Variants in GAS7 observed in about 807,000 individuals in gnomAD.
GAS7 encodes growth arrest-specific protein 7.
GAS7 carries 28 observed loss-of-function variants against 71.1 expected under a neutral mutation model. The ratio of observed to expected loss-of-function variants is 0.39; its 90% CI spans 0.29 to 0.54. GAS7 has a LOEUF of 0.54. Among genes scored for constraint, GAS7 ranks in the 20% least tolerant of loss-of-function variants. The pLI, the probability that GAS7 is intolerant of heterozygous loss-of-function variation, is 0.62. For missense variants in GAS7, 436 were observed against 627.8 expected, an observed-to-expected ratio of 0.69 and a Z score of 3.27; for synonymous variants, 258 against 245.8, an observed-to-expected ratio of 1.05 and a Z score of -0.46.
intron 1 of GAS7, among the ~76,000 whole-genome samples, chr17:10,113,591 A>T (rs973705763): frequency 6.6e-6 from 1 of 152,224 alleles, no homozygotes; most frequent in Non-Finnish European, 1.5e-5. Flanking sequence ...CTGTGTTCAG[A>T]AAACCACAGA....
chr17:10,044,782 C>T (rs954152010), intron 1 of GAS7, among the ~76,000 whole-genome samples: 4 of 152,080 alleles, frequency 2.6e-5, no homozygotes, highest in African/African-American at 9.7e-5. Flanking sequence ...CGGCCAGGCG[C>T]GGTGGCTCAC....
chr17:9,945,223 C>A (rs2068747017), intron 6 of GAS7, among the ~76,000 whole-genome samples: 1 of 152,082 alleles, frequency 6.6e-6, no homozygotes, highest in Non-Finnish European at 1.5e-5. Context: ...AGGTACATCT[C>A]TCCCTCTCTG....
At chr17:9,933,529 G>T (rs567192329) in intron 9 of GAS7, among the ~76,000 whole-genome samples, 1 of 152,226 alleles carries the variant, frequency 6.6e-6, no homozygotes, top group African/African-American at 2.4e-5. Flanking sequence ...ACTTATAATT[G>T]AATAAAAATT....
At chr17:10,024,326 G>T (rs539000158) in intron 1 of GAS7, among the ~76,000 whole-genome samples, 1 of 152,128 alleles carries the variant, frequency 6.6e-6, no homozygotes, top group African/African-American at 2.4e-5. Flanking sequence ...AATAATTAAG[G>T]TCTCTCTCAA....
chr17:9,956,659 G>A lies in GAS7; in HGVS notation c.525+2543C>T, dbSNP rs1480561426. Among the ~76,000 whole-genome samples the A allele has an allele frequency of 3.3e-5, 5 of 152,146 alleles. 1 individual carries two copies. The highest frequency in any genetic ancestry group is 1.3e-4 in the Admixed American group (2 of 15,272). ...CCCGTTGCTGTCAGGGGGCCCATGTGTCTGTCCCCTGAAAACCCATAGCCT... is the reference window on the plus strand; with the variant it reads ...CCCGTTGCTGTCAGGGGGCCCATGTATCTGTCCCCTGAAAACCCATAGCCT... On this transcript the variant is annotated intron_variant, in intron 5 of 13. Transcript: ENST00000432992.
chr17:10,145,614 CCTGG>C, intron 1 of GAS7, among the ~76,000 whole-genome samples: 1 of 152,346 alleles, frequency 6.6e-6, no homozygotes. Context: ...GTGCCCCAAT[CCTGG>C]CATGGGTTCA....
At chr17:10,036,182 T>G (rs966403914) in intron 1 of GAS7, among the ~76,000 whole-genome samples, 1 of 150,658 alleles carries the variant, frequency 6.6e-6, no homozygotes, top group African/African-American at 2.4e-5. Context: ...ATCTTTCTCC[T>G]CCTCCCATCC....
At chr17:9,943,716 C>T (rs1489916758) in intron 6 of GAS7, among the ~76,000 whole-genome samples, 1 of 152,196 alleles carries the variant, frequency 6.6e-6, no homozygotes, top group African/African-American at 2.4e-5. Context: ...CCTCTAACCA[C>T]ACATTCATAC....
At chr17:10,115,581 G>A (rs1419656801) in intron 1 of GAS7, among the ~76,000 whole-genome samples, 1 of 152,194 alleles carries the variant, frequency 6.6e-6, no homozygotes, top group Admixed American at 6.5e-5. Context: ...CTTCTTGGCA[G>A]TGTCCATACA....
chr17:10,031,865 G>A (rs187855012), intron 1 of GAS7, among the ~76,000 whole-genome samples: 1 of 152,186 alleles, frequency 6.6e-6, no homozygotes, highest in Non-Finnish European at 1.5e-5. Context: ...GAAGAATCTC[G>A]GCATTGACGA....
intron 5 of GAS7, among the ~76,000 whole-genome samples, chr17:9,949,587 A>G (rs1000090684): frequency 2.6e-5 from 4 of 152,006 alleles, no homozygotes; most frequent in Admixed American, 2.0e-4. Flanking sequence ...CAAAAGAAGG[A>G]GCCTCCTCCT....
chr17:10,029,108 A>G (rs1474098904), intron 1 of GAS7, among the ~76,000 whole-genome samples: 2 of 152,258 alleles, frequency 1.3e-5, no homozygotes, highest in Non-Finnish European at 2.9e-5. Flanking sequence ...CACAGCAAAG[A>G]TAAGGATAAA....
At chr17:10,159,717 C>T (rs941297887) in intron 1 of GAS7, among the ~76,000 whole-genome samples, 7 of 151,450 alleles carry the variant, frequency 4.6e-5, no homozygotes, top group African/African-American at 7.3e-5. Context: ...CCGTGTCTGA[C>T]GTAGATGCTC....
In GAS7 at chr17:9,974,600, G is replaced by A. The variant is rs1373378804; in HGVS notation, c.386-4838C>T. ...AAGCTCTATCTAGTTAGTAACCTTA[G>A]CAGCTTCAAATATAAATAATACACA... is the stretch of plus-strand genomic sequence containing the variant. On this transcript the variant is annotated intron_variant, in intron 3 of 13. Coordinates refer to ENST00000432992, the MANE Select transcript of GAS7 (RefSeq NM_201433.2). This position sits in a 1 kb window ranked among gnomAD's most constrained non-coding sequence, Gnocchi z 4.0. Among the ~76,000 whole-genome samples, 3 of 151,992 alleles carry A rather than the reference G, an allele frequency of 2.0e-5. No homozygotes were observed. The highest frequency in any genetic ancestry group is 4.4e-5 in the Non-Finnish European group (3 of 68,012).
At chr17:10,062,210 C>T (rs2152243027) in intron 1 of GAS7, among the ~76,000 whole-genome samples, 1 of 152,332 alleles carries the variant, frequency 6.6e-6, no homozygotes, top group South Asian at 2.1e-4. Context: ...CTAGGCTGGG[C>T]ACAATGGTTC....
chr17:10,090,316 T>G (rs1226896839), intron 1 of GAS7, among the ~76,000 whole-genome samples: 1 of 152,232 alleles, frequency 6.6e-6, no homozygotes, highest in Non-Finnish European at 1.5e-5. Flanking sequence ...CTAAGGCTTT[T>G]CAGTTTACAG....
At chr17:10,129,803 G>T (rs2073981902) in intron 1 of GAS7, among the ~76,000 whole-genome samples, 1 of 152,148 alleles carries the variant, frequency 6.6e-6, no homozygotes, top group South Asian at 2.1e-4. Flanking sequence ...AACACTTACA[G>T]CCCAATAATT....
intron 1 of GAS7, among the ~76,000 whole-genome samples, chr17:10,040,513 G>A (rs1026276568): frequency 6.6e-6 from 1 of 152,086 alleles, no homozygotes; most frequent in Admixed American, 6.5e-5. Flanking sequence ...TGATACCAGG[G>A]TATAAAAAGG....
intron 1 of GAS7, among the ~76,000 whole-genome samples, chr17:10,166,438 T>A (rs1050786252): frequency 6.6e-6 from 1 of 152,240 alleles, no homozygotes; most frequent in East Asian, 1.9e-4. Flanking sequence ...AATACCAAGT[T>A]AGGAAAATAT....
Sources: allele counts gnomAD v4.1 joint callset (sites outside exome capture counted in the v4.1 genomes callset), GRCh38; gene constraint gnomAD v4.1.1; non-coding constraint Gnocchi (gnomAD v3.1); transcripts MANE v1.5; gene names NCBI Gene and HGNC (gene_info 2026-07-23, HGNC 2026-07-21).